The following ATP11B variants were observed in gnomAD, a reference collection of about 807,000 sequenced individuals.
ATP11B encodes phospholipid-transporting ATPase IF.
Under a neutral mutation model 157.8 loss-of-function variants are expected in ATP11B, and 81 were observed. The observed-to-expected ratio is 0.51, with a 90% confidence interval of 0.43 to 0.62. The LOEUF (loss-of-function observed/expected upper bound fraction) is 0.62. ATP11B is among the 20% of genes least tolerant of loss of function. ATP11B has a pLI of 0.00. For synonymous variants in ATP11B, 451 were observed against 469.4 expected, an observed-to-expected ratio of 0.96 and a Z score of 0.51; for missense variants, 1,165 against 1,402.2, an observed-to-expected ratio of 0.83 and a Z score of 2.70.
intron 12 of ATP11B, among the ~76,000 whole-genome samples, chr3:182,863,755 C>T (rs1284584058): frequency 2.0e-5 from 3 of 151,170 alleles, no homozygotes; most frequent in Non-Finnish European, 4.4e-5. Flanking sequence ...TTTATCCATC[C>T]CTACCATCTA....
chr3:182,901,948 A>G (rs1233771903), intron 28 of ATP11B, among the ~76,000 whole-genome samples: 1 of 151,730 alleles, frequency 6.6e-6, no homozygotes, highest in African/African-American at 2.4e-5. Flanking sequence ...AAATGACTTA[A>G]CTGGATGTTC....
chr3:182,917,769 A>G, intron 29 of ATP11B: 1 of 985,024 alleles, frequency 1.0e-6, no homozygotes, highest in Non-Finnish European at 1.2e-6. Context: ...ACATATAGAA[A>G]CTGTTTTAAT....
intron 2 of ATP11B, among the ~76,000 whole-genome samples, chr3:182,822,202 T>C (rs907733922): frequency 3.3e-5 from 5 of 152,012 alleles, no homozygotes; most frequent in African/African-American, 1.2e-4. Context: ...ATGTGCCATA[T>C]TGGTGTGCTT....
At chr3:182,901,665 A>G (rs760059615) in intron 28 of ATP11B, among the ~76,000 whole-genome samples, 13 of 152,176 alleles carry the variant, frequency 8.5e-5, no homozygotes, top group Non-Finnish European at 1.8e-4. Context: ...GTTTTCATAG[A>G]TATTTCTTAA....
chr3:182,886,899 G>A (rs1722830091), intron 23 of ATP11B, among the ~76,000 whole-genome samples: 1 of 152,016 alleles, frequency 6.6e-6, no homozygotes, highest in South Asian at 2.1e-4. Context: ...ATTGATTACC[G>A]ATAAAAGTTT....
At chr3:182,911,701 C>A (rs946976080) in intron 28 of ATP11B, among the ~76,000 whole-genome samples, 14 of 152,156 alleles carry the variant, frequency 9.2e-5, no homozygotes, top group Non-Finnish European at 1.5e-4. Flanking sequence ...TTCTTCCTTA[C>A]CTTTAGCTCA....
intron 7 of ATP11B, among the ~76,000 whole-genome samples, 181 bp downstream of exon 7, chr3:182,837,355 A>G (rs1434438645): frequency 2.0e-5 from 3 of 152,172 alleles, no homozygotes; most frequent in Non-Finnish European, 4.4e-5. Context: ...ATTCTAAGCA[A>G]AAGATAATAG....
At position 182,837,157 on chromosome 3, in the gene ATP11B, A is replaced by G; in HGVS notation, c.639A>G (p.Pro213=). Residue 213 remains proline (P), a synonymous_variant, in exon 7 of 30, where the codon CCA becomes CCG. Coordinates refer to ENST00000323116, the MANE Select transcript of ATP11B (RefSeq NM_014616.3). ...TAGCTGTAATAGAATGCCAGCAACC[A>G]GAAGCAGACTTATACAGGTATGGTG... ...TLVAVIECQQ[P]EADLYRFMGR... 1 of 1,611,100 alleles carries G rather than the reference A, an allele frequency of 6.2e-7. No individual in the cohort carries two copies. Among genetic ancestry groups the G allele is most frequent in the Non-Finnish European group, 8.5e-7 (1 of 1,177,454 alleles).
At chr3:182,810,822 ATAACTTACATTT>A (rs755077236) in intron 1 of ATP11B, among the ~76,000 whole-genome samples, 8 of 152,234 alleles carry the variant, frequency 5.3e-5, no homozygotes, top group Non-Finnish European at 8.8e-5. Context: ...TACTTGTGGT[ATAACTTACATTT>A]TAACATCCAA....
intron 1 of ATP11B, among the ~76,000 whole-genome samples, chr3:182,807,015 AT>A (rs1215762948): frequency 6.7e-6 from 1 of 148,272 alleles, no homozygotes; most frequent in Non-Finnish European, 1.5e-5. Flanking sequence ...TGATTATCTT[AT>A]GTTAAGCTTG....
At chr3:182,803,258 G>T (rs148510607) in intron 1 of ATP11B, among the ~76,000 whole-genome samples, 28 of 152,184 alleles carry the variant, frequency 1.8e-4, no homozygotes, top group Non-Finnish European at 4.0e-4. Context: ...CAGTCTGATG[G>T]GTGTGAAATA....
chr3:182,837,131 G>T lies in ATP11B; in HGVS notation c.613G>T (p.Val205Leu), dbSNP rs764085803. Reference sequence around the variant, plus strand: ...AACAGTTGCCAATTTGGACACTCTAGTAGCTGTAATAGAATGCCAGCAACC... The same window carrying T: ...AACAGTTGCCAATTTGGACACTCTATTAGCTGTAATAGAATGCCAGCAACC... The part of the protein sequence containing the change: ...LQTVANLDTL[V>L]AVIECQQPEA... The change falls in exon 7 of 30, where the codon GTA becomes TTA. Residue 205 changes from valine (V) to leucine (L), a missense_variant. Physicochemically the swap from Val to Leu is conservative, Grantham distance 32 (BLOSUM62 1). This residue lies in a region of ATP11B where 737 missense variants were observed against 930.5 expected (regional missense o/e 0.79). Coordinates refer to ENST00000323116, the MANE Select transcript of ATP11B (RefSeq NM_014616.3). The T allele has an allele frequency of 6.2e-7, 1 of 1,613,370 alleles. No individual in the cohort carries two copies. The highest frequency in any genetic ancestry group is 1.1e-5 in the South Asian group (1 of 91,046).
intron 9 of ATP11B, among the ~76,000 whole-genome samples, chr3:182,847,623 G>A (rs1169556682): frequency 6.6e-6 from 1 of 152,106 alleles, no homozygotes; most frequent in Non-Finnish European, 1.5e-5. Flanking sequence ...GGCATGAAAG[G>A]TTCTATATTG....
intron 28 of ATP11B, among the ~76,000 whole-genome samples, chr3:182,911,967 A>C (rs142564617): frequency 1.1e-3 from 166 of 152,190 alleles, no homozygotes; most frequent in African/African-American, 3.8e-3. Context: ...ACAGGCAGGG[A>C]ACATTGGTTG....
chr3:182,867,578 AC>A, intron 15 of ATP11B, 134 bp downstream of exon 15: 18 of 232,954 alleles, frequency 7.7e-5, no homozygotes, highest in East Asian at 2.3e-4. Flanking sequence ...AAGTCACATT[AC>A]TTTTTTTTTT....
chr3:182,866,150 T>C, intron 13 of ATP11B, 118 bp from the exon 14 acceptor site: 1 of 725,706 alleles, frequency 1.4e-6, no homozygotes, highest in Non-Finnish European at 2.1e-6. Flanking sequence ...AACCAACTGT[T>C]ATTCAGGCAA....
intron 8 of ATP11B, among the ~76,000 whole-genome samples, chr3:182,844,902 A>G (rs759280285): frequency 6.6e-6 from 1 of 151,686 alleles, no homozygotes; most frequent in South Asian, 2.1e-4. Flanking sequence ...ATTTACATGC[A>G]TAATCATTTT....
chr3:182,808,189 A>G (rs1324966422), intron 1 of ATP11B, among the ~76,000 whole-genome samples: 1 of 152,196 alleles, frequency 6.6e-6, no homozygotes, highest in Non-Finnish European at 1.5e-5. Context: ...TGCTTATTTT[A>G]GCTCTCCACT....
chr3:182,807,882 G>A (rs1207559982), intron 1 of ATP11B, among the ~76,000 whole-genome samples: 2 of 152,050 alleles, frequency 1.3e-5, no homozygotes, highest in South Asian at 2.1e-4. Context: ...ATAGTTCTAA[G>A]CATATTACCT....
Sources: allele counts gnomAD v4.1 joint callset (sites outside exome capture counted in the v4.1 genomes callset), GRCh38; gene constraint gnomAD v4.1.1; regional missense constraint gnomAD v4.1.1; transcripts MANE v1.5; gene names NCBI Gene and HGNC (gene_info 2026-07-23, HGNC 2026-07-21).